The following SNX29 variants were observed in gnomAD, a reference collection of about 807,000 sequenced individuals.
The protein encoded by SNX29 is sorting nexin-29.
A neutral mutation model predicts 102.1 loss-of-function variants in SNX29; 78 were observed. The ratio of observed to expected loss-of-function variants is 0.76; its 90% CI spans 0.64 to 0.92. The LOEUF (loss-of-function observed/expected upper bound fraction) is 0.92, where lower values mean the gene tolerates loss of function less well. Ranked by LOEUF, SNX29 falls within the 40% of genes least tolerant of loss-of-function variation. The probability of loss-of-function intolerance (pLI) is 0.00; values close to 1 mark genes in which losing one functional copy is unlikely to be tolerated. For missense variants in SNX29, 1,280 were observed against 1,061.7 expected (o/e 1.21, Z -2.86); for synonymous variants, 580 against 414.5 (o/e 1.40, Z -4.85).
At chr16:12,288,257 A>AT (rs2079664123) in intron 15 of SNX29, among the ~76,000 whole-genome samples, 1 of 152,188 alleles carries the variant, frequency 6.6e-6, no homozygotes, top group South Asian at 2.1e-4. Context: ...CGTGGGTGCC[A>AT]TGTCAGTTTA....
intron 18 of SNX29, among the ~76,000 whole-genome samples, chr16:12,413,221 T>C (rs981332791): frequency 1.3e-5 from 2 of 151,932 alleles, no homozygotes; most frequent in African/African-American, 2.4e-5. Flanking sequence ...TCATTACAAG[T>C]GTGGGGAATG....
chr16:12,537,768 T>A (rs1381240408), intron 20 of SNX29, among the ~76,000 whole-genome samples: 1 of 151,924 alleles, frequency 6.6e-6, no homozygotes, highest in Non-Finnish European at 1.5e-5. Context: ...GGGGTTTGTT[T>A]AAACAAAAAA....
chr16:12,019,992 C>T (rs1279603753), intron 3 of SNX29, among the ~76,000 whole-genome samples: 4 of 152,094 alleles, frequency 2.6e-5, no homozygotes, highest in Admixed American at 2.0e-4. Flanking sequence ...GTTACCTATC[C>T]TGCTTATTTT....
intron 18 of SNX29, among the ~76,000 whole-genome samples, chr16:12,430,303 G>T (rs544042454): frequency 6.6e-6 from 1 of 152,322 alleles, no homozygotes; most frequent in South Asian, 2.1e-4. Flanking sequence ...TGCACAGTGG[G>T]GGCAATGCCA....
At chr16:12,233,344 A>ACCAGAT (rs2142217558) in intron 14 of SNX29, among the ~76,000 whole-genome samples, 1 of 152,252 alleles carries the variant, frequency 6.6e-6, no homozygotes, top group South Asian at 2.1e-4. Flanking sequence ...CCAACAGAAA[A>ACCAGAT]CCAGATATTG....
At chr16:12,565,504 C>T (rs12443688) in intron 20 of SNX29, among the ~76,000 whole-genome samples, 1 of 152,116 alleles carries the variant, frequency 6.6e-6, no homozygotes, top group Non-Finnish European at 1.5e-5. Flanking sequence ...AGCCTGTGTC[C>T]CGAGACATGG....
chr16:12,336,880 T>G (rs2081467656), intron 15 of SNX29, among the ~76,000 whole-genome samples: 1 of 152,152 alleles, frequency 6.6e-6, no homozygotes, highest in Non-Finnish European at 1.5e-5. Context: ...CAGGAAGTTG[T>G]GGCTGCAGTG....
chr16:11,976,983 C>G (rs1173597393), intron 1 of SNX29, 170 bp downstream of exon 1: 2 of 862,244 alleles, frequency 2.3e-6, no homozygotes, highest in Non-Finnish European at 1.5e-6. Context: ...GTGGCCCCTG[C>G]TCACCTGCGG....
chr16:12,224,448 C>G (rs903462584), intron 14 of SNX29, among the ~76,000 whole-genome samples: 1 of 152,198 alleles, frequency 6.6e-6, no homozygotes, highest in Non-Finnish European at 1.5e-5. Context: ...GTGGTGACTA[C>G]ACCACAGGAC....
intron 11 of SNX29, among the ~76,000 whole-genome samples, chr16:12,083,967 CCT>C (rs2052035830): frequency 1.3e-5 from 2 of 152,270 alleles, no homozygotes; most frequent in African/African-American, 4.8e-5. Context: ...GCAACCTTTC[CCT>C]CTCAGGTATC....
At chr16:12,322,732 T>C (rs2080980226) in intron 15 of SNX29, among the ~76,000 whole-genome samples, 1 of 150,456 alleles carries the variant, frequency 6.6e-6, no homozygotes. Context: ...GAGACCACCG[T>C]CAGGATGCAG....
At chr16:12,536,951 A>T (rs544404194) in intron 20 of SNX29, among the ~76,000 whole-genome samples, 82 of 152,212 alleles carry the variant, frequency 5.4e-4, no homozygotes, top group African/African-American at 1.9e-3. Flanking sequence ...ACTCCAGCCT[A>T]GGCGACAGAG....
chr16:12,087,191 T>C (rs566876904), intron 11 of SNX29: 230 of 153,428 alleles, frequency 1.5e-3, no homozygotes, highest in African/African-American at 4.8e-3. Context: ...GGTCAAGAGT[T>C]TGAGACCAGC....
At chr16:12,219,980 G>A (rs564660088) in intron 14 of SNX29, among the ~76,000 whole-genome samples, 19 of 152,338 alleles carry the variant, frequency 1.2e-4, no homozygotes, top group South Asian at 2.1e-4. Flanking sequence ...TACCTGTCCC[G>A]GCCTCAACTC....
chr16:12,567,627 T>G (rs2079066387), intron 20 of SNX29, among the ~76,000 whole-genome samples: 1 of 152,040 alleles, frequency 6.6e-6, no homozygotes, highest in African/African-American at 2.4e-5. Context: ...TCAGGTATGG[T>G]GGCTAGTACC....
At chr16:12,489,008 A>G (rs1430751980) in intron 19 of SNX29, among the ~76,000 whole-genome samples, 2 of 152,180 alleles carry the variant, frequency 1.3e-5, no homozygotes, top group African/African-American at 4.8e-5. Flanking sequence ...GTTTCCTTGT[A>G]TATCCTTATT....
rs569410392 is a variant in SNX29, at chr16:11,987,349, C to T, written c.7+10536C>T. 2.5e-3 allele frequency among the ~76,000 whole-genome samples: 384 copies of T among 151,012 alleles called. 7 individuals are homozygous for T. Among genetic ancestry groups the T allele is most frequent in the Admixed American group, 0.025 (378 of 15,010 alleles). On this transcript the variant is annotated intron_variant, in intron 1 of 20. Transcript: ENST00000566228. ...TGTCCCAAAGTGCTGGAGTTACAAGCGTGAGCCACTGCACCCGGCCTGGGC... is the reference window on the plus strand; with the variant it reads ...TGTCCCAAAGTGCTGGAGTTACAAGTGTGAGCCACTGCACCCGGCCTGGGC...
intron 16 of SNX29, among the ~76,000 whole-genome samples, chr16:12,396,008 C>T (rs2083707328): frequency 6.6e-6 from 1 of 152,166 alleles, no homozygotes; most frequent in African/African-American, 2.4e-5. Flanking sequence ...TTTTTCGAAG[C>T]AGCCTCCCTG....
chr16:12,129,890 G>C (rs1448878923), intron 13 of SNX29, 132 bp downstream of exon 13: 1 of 1,112,590 alleles, frequency 9.0e-7, no homozygotes, highest in Non-Finnish European at 1.2e-6. Flanking sequence ...GGATCATAAG[G>C]TCAGGAGATC....
Sources: gnomAD v4.1 joint callset for allele counts (sites outside exome capture counted in the v4.1 genomes callset) on GRCh38, gnomAD v4.1.1 for gene constraint, MANE v1.5 for transcripts, NCBI Gene and HGNC (gene_info 2026-07-23, HGNC 2026-07-21) for gene names.